Variants in PLEKHA1 observed in about 807,000 individuals in gnomAD.
PLEKHA1 encodes the protein pleckstrin homology domain containing A1, also known as pleckstrin homology domain-containing family A member 1.
In PLEKHA1, 34 loss-of-function variants were observed where a neutral mutation model predicts 52.0. The ratio of observed to expected loss-of-function variants is 0.65; its 90% CI spans 0.50 to 0.87. PLEKHA1 has a LOEUF of 0.87. Ranked by LOEUF, PLEKHA1 falls within the 40% of genes least tolerant of loss-of-function variation. The pLI, the probability that PLEKHA1 is intolerant of heterozygous loss-of-function variation, is 0.00. For synonymous variants in PLEKHA1, 163 were observed against 170.7 expected (o/e 0.95, Z 0.35); for missense variants, 497 against 504.2 (o/e 0.99, Z 0.14).
At chr10:122,397,857 T>C (rs1027877929) in intron 2 of PLEKHA1, 61 bp from the exon 3 acceptor site, 2 of 1,267,846 alleles carry the variant, frequency 1.6e-6, no homozygotes, top group Non-Finnish European at 2.2e-6. Flanking sequence ...TGTGGAACAT[T>C]ATATTATAAA....
intron 8 of PLEKHA1, chr10:122,418,175 A>G (rs947157996): frequency 1.6e-5 from 7 of 428,460 alleles, no homozygotes; most frequent in Non-Finnish European, 2.9e-5. Flanking sequence ...TCTTCAAAGC[A>G]GCATTCCACC....
At chr10:122,442,352 T>C in the PLEKHA1 span, 3 of 152,178 alleles carry the variant, frequency 2.0e-5, no homozygotes, top group Non-Finnish European at 4.4e-5. Context: ...TTAATGTTTT[T>C]TTTTCTGATT....
At chr10:122,389,428 G>A (rs775982449) in intron 1 of PLEKHA1, among the ~76,000 whole-genome samples, 7 of 152,170 alleles carry the variant, frequency 4.6e-5, no homozygotes, top group African/African-American at 7.2e-5. Context: ...GGCTGGGCGT[G>A]GTGGCTAACA....
Position 122,426,966 on chromosome 10 carries a change from A to T in PLEKHA1, c.835A>T (p.Ser279Cys), listed in dbSNP as rs1247450680. ...VQADSPEEMH[S>C]WIKAVSGAIV... ...GGCTGATAGCCCTGAAGAGATGCAC[A>T]GTTGGATTAAAGCAGTCTCTGGCGC... The change falls in exon 11 of 12, where the codon AGT becomes TGT. Residue 279 changes from serine to cysteine, a missense_variant. Ser to Cys is a moderately radical substitution (Grantham distance 112, BLOSUM62 -1). Transcript: ENST00000368990. The T allele has an allele frequency of 3.7e-6, 6 of 1,614,080 alleles. No homozygotes were observed. Among genetic ancestry groups the T allele is most frequent in the Middle Eastern group, 1.6e-4 (1 of 6,062 alleles).
Position 122,427,046 on chromosome 10 carries a change from C to G in PLEKHA1, c.900+15C>G. On this transcript the variant is annotated intron_variant, in intron 11 of 11. Transcript: ENST00000368990. The stretch of plus-strand genomic sequence containing the variant: ...CTGCGTCTTCTGTAGGTTTCCTGCT[C>G]TCTGGGGTGATACTCCCTTGCGTCT... The G allele has an allele frequency of 6.2e-7, 1 of 1,604,384 alleles. No homozygotes were observed. Among genetic ancestry groups the G allele is most frequent in the Non-Finnish European group, 8.5e-7 (1 of 1,171,370 alleles).
At chr10:122,421,472 A>G (rs1303315288) in intron 8 of PLEKHA1, 2 of 152,180 alleles carry the variant, frequency 1.3e-5, no homozygotes, top group African/African-American at 4.8e-5. Context: ...TTTTGGGCAC[A>G]GTTTTCTGAT....
chr10:122,394,895 A>C (rs2096830120), intron 2 of PLEKHA1, among the ~76,000 whole-genome samples: 1 of 152,186 alleles, frequency 6.6e-6, no homozygotes, highest in Admixed American at 6.5e-5. Context: ...TTCTTCCTTT[A>C]TCAGTACTAC....
At chr10:122,418,078 T>G in intron 8 of PLEKHA1, 110 bp downstream of exon 8, 2 of 758,538 alleles carry the variant, frequency 2.6e-6, no homozygotes, top group South Asian at 4.7e-5. Flanking sequence ...TAAGTCTAGT[T>G]TTTAGAGGTA....
intron 5 of PLEKHA1, chr10:122,412,419 T>G (rs2097119701): frequency 6.6e-6 from 1 of 152,572 alleles, no homozygotes; most frequent in Admixed American, 6.5e-5. Flanking sequence ...CAGGAAAGAC[T>G]GAATATGCCA....
intron 4 of PLEKHA1, among the ~76,000 whole-genome samples, chr10:122,401,739 G>T (rs552027372): frequency 6.6e-6 from 1 of 152,294 alleles, no homozygotes; most frequent in East Asian, 1.9e-4. Flanking sequence ...TACCCTCTCA[G>T]AGAGTATGTT....
intron 5 of PLEKHA1, 21 bp downstream of exon 5, chr10:122,406,694 G>T (rs1229199390): frequency 6.6e-7 from 1 of 1,517,618 alleles, no homozygotes; most frequent in Admixed American, 1.7e-5. Context: ...GTATTTTTTT[G>T]AAAAACGTTC....
chr10:122,386,256 C>T (rs72830788), intron 1 of PLEKHA1, among the ~76,000 whole-genome samples: 14,151 of 150,936 alleles, frequency 0.094, 782 homozygotes, highest in Middle Eastern at 0.17. Flanking sequence ...GGCATCTATT[C>T]GTGTGCTTAT....
At chr10:122,416,105 AGT>A in intron 7 of PLEKHA1, 103 bp downstream of exon 7, 1 of 1,273,594 alleles carries the variant, frequency 7.9e-7, no homozygotes, top group East Asian at 2.5e-5. Context: ...AAAGACCCAA[AGT>A]GAGAGACCGG....
At chr10:122,404,105 TAAG>T (rs1590611601) in intron 4 of PLEKHA1, among the ~76,000 whole-genome samples, 1 of 152,272 alleles carries the variant, frequency 6.6e-6, no homozygotes, top group Non-Finnish European at 1.5e-5. Context: ...CGTCACCTCT[TAAG>T]GAGGTGGAAT....
chr10:122,417,163 C>T (rs1302541445), intron 7 of PLEKHA1: 2 of 152,078 alleles, frequency 1.3e-5, no homozygotes, highest in Non-Finnish European at 2.9e-5. Context: ...AATAGGTTTA[C>T]TTTATTAAAT....
intron 7 of PLEKHA1, 83 bp from the exon 8 acceptor site, chr10:122,417,817 G>A (rs1056913920): frequency 2.0e-6 from 2 of 1,006,348 alleles, no homozygotes; most frequent in African/African-American, 3.2e-5. Context: ...CTGATTGTGG[G>A]TTCATATCAG....
Position 122,424,878 on chromosome 10 carries a change from G to C in PLEKHA1, c.747-18G>C. 1.9e-6 allele frequency: 3 copies of C among 1,597,278 alleles called. No homozygotes were observed. Among genetic ancestry groups the C allele is most frequent in the Non-Finnish European group, 2.6e-6 (3 of 1,170,454 alleles). On this transcript the variant is annotated intron_variant, in intron 9 of 11. Coordinates refer to ENST00000368990, the MANE Select transcript of PLEKHA1 (RefSeq NM_001001974.4). ...AACAACTGCTATTTAAGTATAATTGGATTTTTTTTTCATACAGCGACATAA... is the reference window on the plus strand; with the variant it reads ...AACAACTGCTATTTAAGTATAATTGCATTTTTTTTTCATACAGCGACATAA...
intron 2 of PLEKHA1, among the ~76,000 whole-genome samples, chr10:122,395,856 G>T (rs1425241842): frequency 6.6e-6 from 1 of 152,084 alleles, no homozygotes; most frequent in African/African-American, 2.4e-5. Flanking sequence ...AAATAATTAA[G>T]TTGCTGTACG....
chr10:122,425,922 C>G (rs2097332316), intron 10 of PLEKHA1, among the ~76,000 whole-genome samples: 2 of 152,006 alleles, frequency 1.3e-5, no homozygotes, highest in Admixed American at 1.3e-4. Flanking sequence ...TGGGGTCATA[C>G]TAAATATAGT....
Sources: allele counts gnomAD v4.1 joint callset (sites outside exome capture counted in the v4.1 genomes callset), GRCh38; gene constraint gnomAD v4.1.1; transcripts MANE v1.5; gene names NCBI Gene and HGNC (gene_info 2026-07-23, HGNC 2026-07-21).